The following NCKAP5 variants were observed in gnomAD, a reference collection of about 807,000 sequenced individuals.
NCKAP5 encodes nck-associated protein 5.
In NCKAP5, 92 loss-of-function variants were observed where a neutral mutation model predicts 167.0. The ratio of observed to expected loss-of-function variants is 0.55; its 90% CI spans 0.47 to 0.66. NCKAP5 has a LOEUF of 0.66. Ranked by LOEUF, NCKAP5 falls within the 30% of genes least tolerant of loss-of-function variation. The probability of loss-of-function intolerance (pLI) is 0.00; values close to 1 mark genes in which losing one functional copy is unlikely to be tolerated. For missense variants in NCKAP5, 2,378 were observed against 2,315.0 expected, an observed-to-expected ratio of 1.03 and a Z score of -0.56; for synonymous variants, 891 against 877.4, an observed-to-expected ratio of 1.02 and a Z score of -0.27.
intron 3 of NCKAP5, among the ~76,000 whole-genome samples, chr2:133,508,597 C>T (rs567720936): frequency 2.6e-5 from 4 of 152,298 alleles, no homozygotes; most frequent in Non-Finnish European, 5.9e-5. Flanking sequence ...AGAGAGAACA[C>T]CCAGATGCCT....
At position 132,860,535 on chromosome 2, in the gene NCKAP5, A is replaced by T. The variant is rs1310588176; in HGVS notation, c.764T>A (p.Leu255Gln). 2.5e-6 allele frequency: 4 copies of T among 1,587,606 alleles called. No homozygotes were observed. Among genetic ancestry groups the T allele is most frequent in the African/African-American group, 2.7e-5 (2 of 74,622 alleles). Residue 255 changes from leucine to glutamine, a missense_variant, in exon 11 of 20, where the codon CTA becomes CAA. Physicochemically the swap from Leu to Gln is moderately radical, Grantham distance 113. Transcript: ENST00000409261. ...AGTGGGTCTGACTCGCTGTTGGAAT[A>T]GGATGCTTAGTGTTCGATTCTGCTG... is the stretch of plus-strand genomic sequence containing the variant. The part of the protein sequence containing the change: ...LEQQNRTLSI[L>Q]FQQRVRPTSD...
intron 6 of NCKAP5, among the ~76,000 whole-genome samples, chr2:133,077,987 G>C (rs1265757228): frequency 6.6e-6 from 1 of 152,172 alleles, no homozygotes; most frequent in Admixed American, 6.5e-5. Flanking sequence ...GAAGAAAAAA[G>C]AAGACTGAAA....
intron 3 of NCKAP5, among the ~76,000 whole-genome samples, chr2:133,367,257 T>A (rs184317064): frequency 6.6e-6 from 1 of 152,298 alleles, no homozygotes; most frequent in Admixed American, 6.5e-5. Flanking sequence ...AATTATTGGC[T>A]ATTTTCTGCA....
chr2:133,049,110 G>T (rs2079510701), intron 6 of NCKAP5, among the ~76,000 whole-genome samples: 1 of 152,166 alleles, frequency 6.6e-6, no homozygotes, highest in Admixed American at 6.5e-5. Flanking sequence ...TGGCAACAGG[G>T]AAGAGCCCTT....
At chr2:133,537,406 C>G (rs1440693989) in intron 2 of NCKAP5, among the ~76,000 whole-genome samples, 1 of 152,062 alleles carries the variant, frequency 6.6e-6, no homozygotes, top group Non-Finnish European at 1.5e-5. Flanking sequence ...GCCATCTTAA[C>G]AATGCTCAGT....
chr2:133,551,010 T>C (rs1026772978), intron 2 of NCKAP5, among the ~76,000 whole-genome samples: 2 of 151,862 alleles, frequency 1.3e-5, no homozygotes, highest in African/African-American at 2.4e-5. Context: ...TCAAAGATAA[T>C]AAAATACCTA....
intron 5 of NCKAP5, among the ~76,000 whole-genome samples, chr2:133,204,451 G>A (rs1464469470): frequency 1.3e-5 from 2 of 152,038 alleles, no homozygotes; most frequent in Admixed American, 6.6e-5. Flanking sequence ...TTTCACATCC[G>A]CCAAGTTCAC....
chr2:132,807,850 G>A (rs36037217), intron 11 of NCKAP5, among the ~76,000 whole-genome samples: 29,702 of 152,026 alleles, frequency 0.2, 3,147 homozygotes, highest in African/African-American at 0.28. Context: ...TAGAGGGAAT[G>A]ATTTCAACTT....
intron 8 of NCKAP5, among the ~76,000 whole-genome samples, chr2:132,939,357 A>T (rs923955973): frequency 6.6e-6 from 1 of 152,186 alleles, no homozygotes; most frequent in Non-Finnish European, 1.5e-5. Context: ...TTCATGCACA[A>T]GTAATGAATG....
the NCKAP5 span, among the ~76,000 whole-genome samples, chr2:133,620,763 C>T: frequency 6.6e-6 from 1 of 152,228 alleles, no homozygotes; most frequent in South Asian, 2.1e-4. Context: ...TACCTTAGAA[C>T]AAATGAACTT....
chr2:132,843,765 C>T (rs1392930767), intron 11 of NCKAP5, among the ~76,000 whole-genome samples: 1 of 151,816 alleles, frequency 6.6e-6, no homozygotes, highest in Admixed American at 6.6e-5. Flanking sequence ...ATTGTTATTT[C>T]ATCACTATCC....
intron 3 of NCKAP5, among the ~76,000 whole-genome samples, chr2:133,469,558 A>G (rs376564431): frequency 1.1e-4 from 16 of 151,530 alleles, no homozygotes; most frequent in Non-Finnish European, 2.1e-4. Flanking sequence ...ATGTTGGCCT[A>G]CCTTGCTAGA....
At chr2:133,362,858 A>G (rs1198112188) in intron 3 of NCKAP5, among the ~76,000 whole-genome samples, 1 of 151,852 alleles carries the variant, frequency 6.6e-6, no homozygotes, top group East Asian at 1.9e-4. Flanking sequence ...GGTTCACACC[A>G]TTCTCCTGCC....
At chr2:133,501,004 C>T (rs1309422119) in intron 3 of NCKAP5, among the ~76,000 whole-genome samples, 1 of 152,126 alleles carries the variant, frequency 6.6e-6, no homozygotes, top group Non-Finnish European at 1.5e-5. Context: ...GTTAGTATTC[C>T]CTGCAGGACC....
At chr2:133,058,592 C>T (rs1364324253) in intron 6 of NCKAP5, among the ~76,000 whole-genome samples, 1 of 152,126 alleles carries the variant, frequency 6.6e-6, no homozygotes, top group African/African-American at 2.4e-5. Flanking sequence ...GACTGAATTG[C>T]TGCAATCTCA....
chr2:133,605,826 TACA>T, the NCKAP5 span, among the ~76,000 whole-genome samples: 4 of 152,254 alleles, frequency 2.6e-5, no homozygotes, highest in East Asian at 5.8e-4. Context: ...CATTCCCTAA[TACA>T]GTAGCACATG....
At chr2:132,903,538 G>A (rs1005704841) in intron 8 of NCKAP5, among the ~76,000 whole-genome samples, 1 of 152,158 alleles carries the variant, frequency 6.6e-6, no homozygotes, top group Non-Finnish European at 1.5e-5. Flanking sequence ...ACTCATATTT[G>A]TATCACTTCC....
intron 4 of NCKAP5, among the ~76,000 whole-genome samples, chr2:133,275,909 G>A (rs944500878): frequency 6.6e-6 from 1 of 151,728 alleles, no homozygotes; most frequent in African/African-American, 2.4e-5. Flanking sequence ...AACACAGTAT[G>A]AGCTGTGCAG....
intron 6 of NCKAP5, among the ~76,000 whole-genome samples, chr2:133,005,861 G>T (rs569051407): frequency 6.6e-6 from 1 of 152,132 alleles, no homozygotes. Context: ...GAAAACTAAT[G>T]TAATAACAAC....
Sources: allele counts gnomAD v4.1 joint callset (sites outside exome capture counted in the v4.1 genomes callset), GRCh38; gene constraint gnomAD v4.1.1; transcripts MANE v1.5; gene names NCBI Gene and HGNC (gene_info 2026-07-23, HGNC 2026-07-21).